The following TTLL11 variants were observed in gnomAD, a reference collection of about 807,000 sequenced individuals.
TTLL11 encodes the protein tubulin polyglutamylase TTLL11.
Under a neutral mutation model 51.7 loss-of-function variants are expected in TTLL11, and 42 were observed. That is an observed-to-expected ratio of 0.81 (90% CI 0.64 to 1.05). The LOEUF is 1.05. Among genes scored for constraint, TTLL11 ranks in the 50% least tolerant of loss-of-function variants. TTLL11 has a pLI of 0.00. For missense variants in TTLL11, 799 were observed against 940.4 expected (o/e 0.85, Z 1.97); for synonymous variants, 381 against 383.5 (o/e 0.99, Z 0.08).
At chr9:122,030,393 TG>T (rs773676400) in intron 3 of TTLL11, among the ~76,000 whole-genome samples, 4 of 152,206 alleles carry the variant, frequency 2.6e-5, no homozygotes, top group Non-Finnish European at 5.9e-5. Flanking sequence ...CACTTCAAGC[TG>T]TTTTTGTGTT....
In TTLL11 at chr9:121,870,757, C is replaced by A. The variant is rs1838330886; in HGVS notation, c.1482-9G>T. 1 of 1,532,228 alleles carries A rather than the reference C, an allele frequency of 6.5e-7. No individual in the cohort carries two copies. Among genetic ancestry groups the A allele is most frequent in the South Asian group, 1.2e-5 (1 of 81,214 alleles). The allele number at this position is 1,532,228 out of a possible 1,614,324, so 94.9% of individuals were successfully genotyped here. A position where few individuals can be genotyped will look rare whatever the true frequency, so the allele number is the denominator to read the frequency against. On this transcript the variant is annotated splice_polypyrimidine_tract_variant and intron_variant, in intron 6 of 8. Transcript: ENST00000321582. ...TTTCAAGCTGCTGAGACCTGAAGCA[C>A]ACAAAGAATTAATGATATAACACTT...
Position 121,986,020 on chromosome 9 carries a change from C to T in TTLL11, c.1269+3175G>A, listed in dbSNP as rs1842931676. Among the ~76,000 whole-genome samples the T allele has an allele frequency of 2.0e-5, 3 of 152,202 alleles. No homozygotes were observed. In the South Asian group the frequency reaches 6.2e-4, roughly 32 times the overall value. On this transcript the variant is annotated intron_variant, in intron 4 of 8. Coordinates refer to ENST00000321582, the MANE Select transcript of TTLL11 (RefSeq NM_001139442.2). Reference sequence around the variant, plus strand: ...AGTGGTGAAGAAACATGCCCAAGTTCGCACAGCTGGGAAGAGGAAAAGCGC... The same window carrying T: ...AGTGGTGAAGAAACATGCCCAAGTTTGCACAGCTGGGAAGAGGAAAAGCGC...
intron 6 of TTLL11, among the ~76,000 whole-genome samples, chr9:121,937,336 T>C (rs1394722758): frequency 6.6e-6 from 1 of 152,222 alleles, no homozygotes; most frequent in Middle Eastern, 3.2e-3. Flanking sequence ...TGTCCTGCTT[T>C]AAGAGAAGAG....
chr9:121,963,846 T>A (rs1842315472), intron 6 of TTLL11: 1 of 152,242 alleles, frequency 6.6e-6, no homozygotes. Context: ...ATCTCCTTCC[T>A]GCTCACACTT....
intron 8 of TTLL11, among the ~76,000 whole-genome samples, chr9:121,840,803 G>A (rs573511461): frequency 9.8e-5 from 15 of 152,316 alleles, no homozygotes; most frequent in Admixed American, 9.8e-4. Context: ...CACTCTGAGA[G>A]TAAGGAGCCT....
chr9:121,971,952 G>T (rs1842590509), intron 6 of TTLL11, among the ~76,000 whole-genome samples: 1 of 151,910 alleles, frequency 6.6e-6, no homozygotes, highest in South Asian at 2.1e-4. Context: ...TGAGCACAGG[G>T]AGGGGAACAT....
At chr9:121,873,831 CTT>C (rs71508142) in intron 6 of TTLL11, among the ~76,000 whole-genome samples, 6 of 77,392 alleles carry the variant, frequency 7.8e-5, no homozygotes, top group Admixed American at 1.6e-4. Context: ...ATTAGCCTGA[CTT>C]TTTTTTTTTT....
At chr9:121,832,694 C>T (rs1400490530) in intron 8 of TTLL11, among the ~76,000 whole-genome samples, 3 of 152,190 alleles carry the variant, frequency 2.0e-5, no homozygotes, top group Non-Finnish European at 4.4e-5. Context: ...AATCCCAGCA[C>T]TTTGAGAGGC....
At position 122,092,847 on chromosome 9, in the gene TTLL11, G is replaced by A. The variant is rs138056066; in HGVS notation, c.302C>T (p.Pro101Leu). 71 of 1,567,148 alleles carry A rather than the reference G, an allele frequency of 4.5e-5. No homozygotes were observed. In the African/African-American group the frequency reaches 7.7e-4, roughly 17 times the overall value. The change falls in exon 1 of 9, where the codon CCG (proline) becomes CTG (leucine). Residue 101 changes from proline to leucine, a missense_variant. This residue lies in a region of TTLL11 where 166 missense variants were observed against 161.6 expected (regional missense o/e 1.03). Transcript: ENST00000321582. Reference protein sequence around the residue: ...SKPKPVQGLCPHGKPRDKGRS... With the variant: ...SKPKPVQGLCLHGKPRDKGRS... ...GCCCTTGTCCCGGGGCTTCCCGTGC[G>A]GGCAGAGGCCCTGCACCGGCTTCGG...
intron 6 of TTLL11, among the ~76,000 whole-genome samples, chr9:121,908,716 GC>G: frequency 6.6e-6 from 1 of 152,160 alleles, no homozygotes; most frequent in East Asian, 1.9e-4. Context: ...TCTTCCAGGA[GC>G]TATTGTTTCA....
Position 122,093,018 on chromosome 9 carries a change from T to TCC in TTLL11, c.129_130dup (p.Asp44GlyfsTer101), listed in dbSNP as rs1564395496. 6.5e-7 allele frequency: 1 copy of TCC among 1,534,298 alleles called. No individual in the cohort carries two copies. Among genetic ancestry groups the TCC allele is most frequent in the Admixed American group, 1.9e-5 (1 of 51,372 alleles). On this transcript the variant is annotated frameshift_variant, in exon 1 of 9. Transcript: ENST00000321582. LOFTEE classifies it high-confidence loss of function. ...CTCCGGTTCCCCGGCCGCGCCCGCGTCCACGCGGACCTGTTCCGCCACCGT... is the reference window on the plus strand; with the variant it reads ...CTCCGGTTCCCCGGCCGCGCCCGCGTCCCCACGCGGACCTGTTCCGCCACCGT...
chr9:121,823,883 G>A (rs1836661279), intron 8 of TTLL11, among the ~76,000 whole-genome samples: 1 of 152,290 alleles, frequency 6.6e-6, no homozygotes, highest in Middle Eastern at 3.4e-3. Context: ...TGGGACCTGA[G>A]CTCAAAATCA....
rs534515134 is a variant in TTLL11 at position 122,021,177 on chromosome 9, T to C, written c.693+10546A>G. Among the ~76,000 whole-genome samples, 94 of 152,238 alleles carry C rather than the reference T, an allele frequency of 6.2e-4. 1 individual carries two copies. The highest frequency in any genetic ancestry group is 1.0e-3 in the Non-Finnish European group (68 of 68,020). On this transcript the variant is annotated intron_variant, in intron 3 of 8. Transcript: ENST00000321582. ...GACAGTGATTCCTGAGAGATAGGAA[T>C]TGAACGATGTGAACCCTAGGATTGC...
intron 3 of TTLL11, among the ~76,000 whole-genome samples, chr9:122,028,284 C>T (rs10125921): frequency 0.044 from 6,641 of 152,196 alleles, 170 homozygotes; most frequent in African/African-American, 0.073. Context: ...GGACTAAACA[C>T]ACAAATCAAA....
chr9:121,926,760 T>C (rs1370074628), intron 6 of TTLL11, among the ~76,000 whole-genome samples: 3 of 152,172 alleles, frequency 2.0e-5, no homozygotes, highest in Admixed American at 6.5e-5. Flanking sequence ...TCCAAGCAAT[T>C]CAGCTGTATT....
rs1836427646 is a variant in TTLL11 at position 121,816,854 on chromosome 9, A to C, written c.*5733T>G. On this transcript the variant is annotated 3_prime_UTR_variant, in exon 9 of 9. Coordinates refer to ENST00000321582, the MANE Select transcript of TTLL11 (RefSeq NM_001139442.2). The stretch of plus-strand genomic sequence containing the variant: ...CTCCTTCATCTCCAGGAACAGAAAA[A>C]AATTTAGACTTATTTTGTGAGGGAG... 1.3e-5 allele frequency: 2 copies of C among 152,212 alleles called. No homozygotes were observed. The highest frequency in any genetic ancestry group is 2.4e-5 in the African/African-American group (1 of 41,458). 9.4% of individuals were successfully genotyped at this position (152,212 alleles called of 1,614,324 possible). A position where few individuals can be genotyped will look rare whatever the true frequency, so the allele number is the denominator to read the frequency against.
chr9:121,907,914 C>T (rs1839997116), intron 6 of TTLL11, among the ~76,000 whole-genome samples: 1 of 152,198 alleles, frequency 6.6e-6, no homozygotes, highest in African/African-American at 2.4e-5. Flanking sequence ...TTTGGAGTGA[C>T]ATGGCCAAGA....
chr9:121,913,175 G>C (rs549757791), intron 6 of TTLL11, among the ~76,000 whole-genome samples: 1 of 152,172 alleles, frequency 6.6e-6, no homozygotes, highest in East Asian at 1.9e-4. Context: ...TTTATCATAA[G>C]AGCATTTTCC....
intron 3 of TTLL11, among the ~76,000 whole-genome samples, chr9:122,030,847 A>C (rs1323503551): frequency 6.6e-6 from 1 of 151,842 alleles, no homozygotes; most frequent in Non-Finnish European, 1.5e-5. Context: ...AGGCTGAGGC[A>C]GGAGAATGGC....
Sources: gnomAD v4.1 joint callset for allele counts (sites outside exome capture counted in the v4.1 genomes callset) on GRCh38, gnomAD v4.1.1 for gene constraint, gnomAD v4.1.1 regional missense constraint, MANE v1.5 for transcripts, NCBI Gene and HGNC (gene_info 2026-07-23, HGNC 2026-07-21) for gene names.